The following DCDC1 variants were observed in gnomAD, a reference collection of about 807,000 sequenced individuals.
DCDC1 encodes the protein doublecortin domain containing 1.
Under a neutral mutation model 178.3 loss-of-function variants are expected in DCDC1, and 200 were observed. That is an observed-to-expected ratio of 1.12 (90% CI 1.00 to 1.26). The LOEUF is 1.26. DCDC1 is among the 50% of genes most tolerant of loss of function. The pLI, the probability that DCDC1 is intolerant of heterozygous loss-of-function variation, is 0.00. For missense variants in DCDC1, 1,983 were observed against 1,749.2 expected (o/e 1.13, Z -2.38); for synonymous variants, 690 against 604.8 (o/e 1.14, Z -2.07).
intron 20 of DCDC1, among the ~76,000 whole-genome samples, chr11:30,972,680 T>A (rs1244724431): frequency 6.6e-6 from 1 of 152,160 alleles, no homozygotes; most frequent in East Asian, 1.9e-4. Context: ...AATTAATAAA[T>A]TGACAAAAAT....
chr11:31,151,900 A>C (rs189635853), intron 9 of DCDC1, among the ~76,000 whole-genome samples: 27 of 152,192 alleles, frequency 1.8e-4, no homozygotes, highest in African/African-American at 5.3e-4. Context: ...GATCTATTGC[A>C]CAGCCTGGTG....
intron 8 of DCDC1, among the ~76,000 whole-genome samples, chr11:31,244,942 T>G (rs1977646645): frequency 1.3e-5 from 2 of 151,724 alleles, no homozygotes; most frequent in African/African-American, 2.4e-5. Context: ...TGGACAGAGC[T>G]GGTAGTGAGC....
chr11:30,929,821 A>G lies in DCDC1; in HGVS notation c.2897+1950T>C, dbSNP rs140024300. ...AAAAATTATGAAGGTCTTAATTTATATAAACTCGACAGTCACTATTAAGAC... is the reference window on the plus strand; with the variant it reads ...AAAAATTATGAAGGTCTTAATTTATGTAAACTCGACAGTCACTATTAAGAC... On this transcript the variant is annotated intron_variant, in intron 22 of 38. Coordinates refer to ENST00000684477, the MANE Select transcript of DCDC1 (RefSeq NM_001387274.1). Among the ~76,000 whole-genome samples the G allele has an allele frequency of 4.0e-3, 612 of 152,266 alleles. 6 individuals carry two copies. The highest frequency in any genetic ancestry group is 0.014 in the African/African-American group (587 of 41,556).
chr11:31,115,950 C>A (rs1959841646), intron 11 of DCDC1, among the ~76,000 whole-genome samples: 1 of 118,482 alleles, frequency 8.4e-6, no homozygotes, highest in African/African-American at 3.4e-5. Flanking sequence ...ACACTGAGGG[C>A]AATTATCTAA....
chr11:31,288,872 C>A (rs1382280551), intron 7 of DCDC1, among the ~76,000 whole-genome samples: 1 of 151,710 alleles, frequency 6.6e-6, no homozygotes, highest in Non-Finnish European at 1.5e-5. Flanking sequence ...TTTTTCCCTT[C>A]TAAAAAGTTC....
intron 20 of DCDC1, among the ~76,000 whole-genome samples, chr11:30,991,068 G>A (rs1465132061): frequency 6.6e-6 from 1 of 152,142 alleles, no homozygotes; most frequent in Non-Finnish European, 1.5e-5. Flanking sequence ...CAGAGAGTGA[G>A]GCAACTGACA....
At position 31,306,360 on chromosome 11, in the gene DCDC1, G is replaced by A. The variant is rs749722081; in HGVS notation, c.463C>T (p.Gln155Ter). ...RVAEFSSLKF[Q>*]SARNWQKLSQ... ...AATTTCTGCCAATTCCGGGCTGACT[G>A]AAATTTTAAAGAAGAGAACTCTGCA... is the stretch of plus-strand genomic sequence containing the variant. Residue 155 changes from glutamine to a stop codon, truncating the protein, a stop_gained, in exon 5 of 39, where the codon CAG becomes TAG. Transcript: ENST00000684477. LOFTEE classifies it high-confidence loss of function. The A allele has an allele frequency of 2.5e-6, 4 of 1,608,374 alleles. No homozygotes were observed. The East Asian group carries it at 9.0e-5, about 36-fold the overall frequency.
At chr11:31,339,797 A>G (rs1234028654) in intron 1 of DCDC1, among the ~76,000 whole-genome samples, 2 of 152,244 alleles carry the variant, frequency 1.3e-5, no homozygotes, top group Admixed American at 6.5e-5. Flanking sequence ...CAAATTTTCA[A>G]TGTTAATTCT....
intron 25 of DCDC1, among the ~76,000 whole-genome samples, chr11:30,917,525 T>G (rs532423839): frequency 5.5e-4 from 84 of 152,336 alleles, no homozygotes; most frequent in African/African-American, 2.0e-3. Flanking sequence ...AAATAGCATC[T>G]GCACATATGA....
intron 9 of DCDC1, among the ~76,000 whole-genome samples, chr11:31,164,538 CTTTT>C (rs36034307): frequency 3.3e-5 from 5 of 151,300 alleles, no homozygotes; most frequent in African/African-American, 1.2e-4. Flanking sequence ...TTGTGTCAGT[CTTTT>C]TTTTAACAAA....
In DCDC1 at chr11:30,900,463, C is replaced by A; in HGVS notation, c.4546G>T (p.Ala1516Ser). Residue 1516 changes from alanine (A) to serine (S), a missense_variant, in exon 33 of 39, where the codon GCA (alanine) becomes TCA (serine). Physicochemically the swap from Ala to Ser is moderately conservative, Grantham distance 99. Transcript: ENST00000684477. ...PRMKVKNRLF[A>S]KSVTSDSLDG... ...AAACTATCGGATGTCACAGATTTTG[C>A]AAATAATCTGTTTTTCACTTTCATT... The A allele has an allele frequency of 6.5e-7, 1 of 1,549,182 alleles. No homozygotes were observed. Among genetic ancestry groups the A allele is most frequent in the Admixed American group, 1.9e-5 (1 of 53,058 alleles).
At chr11:31,359,247 T>C (rs543358814) in intron 1 of DCDC1, among the ~76,000 whole-genome samples, 4 of 152,126 alleles carry the variant, frequency 2.6e-5, no homozygotes, top group South Asian at 4.2e-4. Flanking sequence ...TGGAATACTA[T>C]GCAGCCATAA....
chr11:31,221,752 A>G (rs1281564056), intron 9 of DCDC1, among the ~76,000 whole-genome samples: 1 of 152,212 alleles, frequency 6.6e-6, no homozygotes, highest in Non-Finnish European at 1.5e-5. Flanking sequence ...CCACACCTTT[A>G]GTGTTCTCTT....
chr11:31,173,432 A>AT (rs1967520262), intron 9 of DCDC1, among the ~76,000 whole-genome samples: 1 of 152,200 alleles, frequency 6.6e-6, no homozygotes, highest in African/African-American at 2.4e-5. Flanking sequence ...TCCAAAAAGG[A>AT]ATTTTAAGTT....
intron 9 of DCDC1, among the ~76,000 whole-genome samples, chr11:31,167,447 A>G (rs1018961722): frequency 3.3e-5 from 5 of 152,110 alleles, no homozygotes; most frequent in Admixed American, 3.3e-4. Flanking sequence ...AGATTTTACT[A>G]GTCAGCAAGC....
chr11:31,210,529 G>A (rs372735704), intron 9 of DCDC1, among the ~76,000 whole-genome samples: 8 of 152,052 alleles, frequency 5.3e-5, no homozygotes, highest in Admixed American at 1.3e-4. Flanking sequence ...TGGCCAATGC[G>A]GTGAAACCCC....
intron 20 of DCDC1, among the ~76,000 whole-genome samples, chr11:30,963,865 G>A (rs1209382133): frequency 6.6e-6 from 1 of 152,060 alleles, no homozygotes; most frequent in African/African-American, 2.4e-5. Flanking sequence ...CACTTCCTCT[G>A]AACATTTTAC....
At chr11:31,146,871 T>C (rs944146143) in intron 9 of DCDC1, among the ~76,000 whole-genome samples, 2 of 152,180 alleles carry the variant, frequency 1.3e-5, no homozygotes, top group African/African-American at 4.8e-5. Flanking sequence ...GTTACTTCCA[T>C]GACCTAGGAC....
chr11:31,268,477 G>C (rs1945327120), intron 7 of DCDC1, among the ~76,000 whole-genome samples: 1 of 152,264 alleles, frequency 6.6e-6, no homozygotes, highest in East Asian at 1.9e-4. Flanking sequence ...TGTGGTATTT[G>C]GTTTTCTGTT....
Sources: allele counts gnomAD v4.1 joint callset (sites outside exome capture counted in the v4.1 genomes callset), GRCh38; gene constraint gnomAD v4.1.1; transcripts MANE v1.5; gene names NCBI Gene and HGNC (gene_info 2026-07-23, HGNC 2026-07-21).